Variants in CCDC85A observed in about 807,000 individuals in gnomAD.
The protein encoded by CCDC85A is coiled-coil domain-containing protein 85A.
Under a neutral mutation model 50.2 loss-of-function variants are expected in CCDC85A, and 38 were observed. The ratio of observed to expected loss-of-function variants is 0.76; its 90% CI spans 0.58 to 0.99. CCDC85A has a LOEUF of 0.99. Among genes scored for constraint, CCDC85A ranks in the 50% least tolerant of loss-of-function variants. The pLI is 0.00. For missense variants in CCDC85A, 820 were observed against 742.0 expected (o/e 1.11, Z -1.22); for synonymous variants, 366 against 301.4 (o/e 1.21, Z -2.22).
At chr2:56,215,500 T>G (rs564589282) in intron 2 of CCDC85A, among the ~76,000 whole-genome samples, 1 of 151,820 alleles carries the variant, frequency 6.6e-6, no homozygotes, top group Non-Finnish European at 1.5e-5. Flanking sequence ...AGTTTTTCAC[T>G]GTTAAATGTG....
At chr2:56,351,627 T>A (rs1352352461) in intron 3 of CCDC85A, among the ~76,000 whole-genome samples, 1 of 144,740 alleles carries the variant, frequency 6.9e-6, no homozygotes, top group African/African-American at 2.7e-5. Flanking sequence ...TTTTCATGTG[T>A]TTTTTGGCTG....
chr2:56,309,998 A>T (rs1048905500), intron 2 of CCDC85A, among the ~76,000 whole-genome samples: 4 of 152,180 alleles, frequency 2.6e-5, no homozygotes, highest in Non-Finnish European at 5.9e-5. Flanking sequence ...AAGGCCCTGG[A>T]GGAGTCACAC....
rs1446415485 is a variant in CCDC85A, at chr2:56,207,665, T to G, written c.1240+14225T>G. Among the ~76,000 whole-genome samples the G allele has an allele frequency of 7.2e-5, 11 of 152,284 alleles. No homozygotes were observed. The East Asian group carries it at 2.1e-3, about 29-fold the overall frequency. ...AGACAGATACGTAAATTGGTGTATC[T>G]TTGAAAACTTTCACCTTCAGTTTCT... On this transcript the variant is annotated intron_variant, in intron 2 of 5. Transcript: ENST00000407595.
Position 56,385,924 on chromosome 2 carries a change from C to T in CCDC85A, c.*1569C>T, listed in dbSNP as rs1676801187. The T allele has an allele frequency of 6.6e-6, 1 of 151,922 alleles. No homozygotes were observed. Among genetic ancestry groups the T allele is most frequent in the Non-Finnish European group, 1.5e-5 (1 of 67,734 alleles). The allele number at this position is 151,922 out of a possible 1,614,324, so 9.4% of individuals were successfully genotyped here. ...AAAAGAAAATTGCTTGCTATATTTA[C>T]ACCTTCTTTCCTAGGAAAGCTTTCA... is the stretch of plus-strand genomic sequence containing the variant. On this transcript the variant is annotated 3_prime_UTR_variant, in exon 6 of 6. Transcript: ENST00000407595.
intron 3 of CCDC85A, among the ~76,000 whole-genome samples, chr2:56,352,623 G>C (rs907368006): frequency 3.3e-5 from 5 of 152,212 alleles, no homozygotes; most frequent in Admixed American, 2.0e-4. Context: ...TGGGATTACA[G>C]GTGTGAGCCA....
intron 2 of CCDC85A, among the ~76,000 whole-genome samples, chr2:56,265,648 G>A (rs753003210): frequency 3.3e-5 from 5 of 152,130 alleles, no homozygotes; most frequent in Non-Finnish European, 7.4e-5. Context: ...AAAAATAAAA[G>A]TGTTGGTGAG....
chr2:56,367,796 A>G (rs953162748), intron 3 of CCDC85A, among the ~76,000 whole-genome samples: 1 of 152,222 alleles, frequency 6.6e-6, no homozygotes, highest in Non-Finnish European at 1.5e-5. Flanking sequence ...AAGCAAAAAC[A>G]TTCATGATAA....
At chr2:56,196,672 A>G (rs533205024) in intron 2 of CCDC85A, among the ~76,000 whole-genome samples, 2 of 152,154 alleles carry the variant, frequency 1.3e-5, no homozygotes, top group East Asian at 3.9e-4. Flanking sequence ...CAATAGCTGT[A>G]TTTGTTATTG....
chr2:56,229,109 A>G (rs1042864920), intron 2 of CCDC85A, among the ~76,000 whole-genome samples: 1 of 152,154 alleles, frequency 6.6e-6, no homozygotes, highest in South Asian at 2.1e-4. Flanking sequence ...ACCACAGTCT[A>G]TGATTGCTGT....
intron 2 of CCDC85A, among the ~76,000 whole-genome samples, chr2:56,234,291 G>T (rs557920302): frequency 6.6e-6 from 1 of 152,196 alleles, no homozygotes; most frequent in South Asian, 2.1e-4. Context: ...TGCTAACTTT[G>T]TTTTTGTCTT....
At chr2:56,349,344 G>T (rs1205997263) in intron 3 of CCDC85A, among the ~76,000 whole-genome samples, 3 of 152,148 alleles carry the variant, frequency 2.0e-5, no homozygotes, top group Admixed American at 6.6e-5. Flanking sequence ...GCTTTCAGGG[G>T]ACAGATGGGA....
At chr2:56,364,693 C>G (rs1675702222) in intron 3 of CCDC85A, among the ~76,000 whole-genome samples, 2 of 152,160 alleles carry the variant, frequency 1.3e-5, no homozygotes, top group Non-Finnish European at 1.5e-5. Flanking sequence ...TTAGCGAGTA[C>G]CTAACCAGAA....
rs573801837 is a variant in CCDC85A at position 56,192,302 on chromosome 2, A to G, written c.277-175A>G. On this transcript the variant is annotated intron_variant, in intron 1 of 5. Coordinates refer to ENST00000407595, the MANE Select transcript of CCDC85A (RefSeq NM_001080433.2). The surrounding 1 kb of genome is among the most constrained non-coding windows in gnomAD (Gnocchi z 4.7). Reference sequence around the variant, plus strand: ...TGTGCAGGGATAGAACTGATACTTAAGTTAGTTTAATTTTTATGGACAGCT... The same window carrying G: ...TGTGCAGGGATAGAACTGATACTTAGGTTAGTTTAATTTTTATGGACAGCT... Among the ~76,000 whole-genome samples the G allele has an allele frequency of 7.2e-5, 11 of 152,258 alleles. No homozygotes were observed. Among genetic ancestry groups the G allele is most frequent in the Admixed American group, 5.9e-4 (9 of 15,294 alleles).
chr2:56,248,138 G>C (rs965002516), intron 2 of CCDC85A, among the ~76,000 whole-genome samples: 1 of 152,220 alleles, frequency 6.6e-6, no homozygotes, highest in African/African-American at 2.4e-5. Flanking sequence ...CTGGAAGTTA[G>C]GATATGTCAT....
chr2:56,269,319 A>G (rs918955294), intron 2 of CCDC85A, among the ~76,000 whole-genome samples: 1 of 134,598 alleles, frequency 7.4e-6, no homozygotes, highest in Non-Finnish European at 1.6e-5. Flanking sequence ...GCACACTACC[A>G]TACTCCTTGG....
intron 2 of CCDC85A, among the ~76,000 whole-genome samples, chr2:56,225,769 A>G (rs553205172): frequency 3.6e-4 from 55 of 152,256 alleles, no homozygotes; most frequent in African/African-American, 1.3e-3. Context: ...GCTTGTTAAC[A>G]TGGGATGTCC....
chr2:56,359,669 C>G (rs1291284375), intron 3 of CCDC85A, among the ~76,000 whole-genome samples: 1 of 152,170 alleles, frequency 6.6e-6, no homozygotes, highest in Non-Finnish European at 1.5e-5. Flanking sequence ...AAGGAGGAGT[C>G]AGAAATCAAT....
At chr2:56,363,753 G>C (rs956135310) in intron 3 of CCDC85A, among the ~76,000 whole-genome samples, 1 of 152,152 alleles carries the variant, frequency 6.6e-6, no homozygotes. Flanking sequence ...AGCATGCTGA[G>C]GTGTTTAACA....
At chr2:56,370,621 T>C (rs1676025100) in intron 3 of CCDC85A, among the ~76,000 whole-genome samples, 1 of 152,118 alleles carries the variant, frequency 6.6e-6, no homozygotes, top group African/African-American at 2.4e-5. Flanking sequence ...ATAGCTATTG[T>C]TTTATGTAGT....
Sources: allele counts gnomAD v4.1 joint callset (sites outside exome capture counted in the v4.1 genomes callset), GRCh38; gene constraint gnomAD v4.1.1; non-coding constraint Gnocchi (gnomAD v3.1); transcripts MANE v1.5; gene names NCBI Gene and HGNC (gene_info 2026-07-23, HGNC 2026-07-21).